The following ACBD6 variants were observed in gnomAD, a reference collection of about 807,000 sequenced individuals.
ACBD6 encodes acyl-CoA-binding domain-containing protein 6.
A neutral mutation model predicts 37.2 loss-of-function variants in ACBD6; 28 were observed. That is an observed-to-expected ratio of 0.75 (90% CI 0.56 to 1.03). The LOEUF is 1.03. Among genes scored for constraint, ACBD6 ranks in the 50% least tolerant of loss-of-function variants. The probability of loss-of-function intolerance (pLI) is 0.00; values close to 1 mark genes in which losing one functional copy is unlikely to be tolerated. For synonymous variants in ACBD6, 113 were observed against 126.8 expected (o/e 0.89, Z 0.73); for missense variants, 340 against 337.4 (o/e 1.01, Z -0.06).
chr1:180,347,360 GTTTTTT>G (rs775301259), intron 6 of ACBD6, among the ~76,000 whole-genome samples: 14 of 49,090 alleles, frequency 2.9e-4, no homozygotes, highest in African/African-American at 6.4e-4. Context: ...TCAACAGAAA[GTTTTTT>G]TTTTTTTTTT....
At chr1:180,380,744 A>T (rs1385084806) in intron 6 of ACBD6, among the ~76,000 whole-genome samples, 1 of 152,166 alleles carries the variant, frequency 6.6e-6, no homozygotes, top group Non-Finnish European at 1.5e-5. Flanking sequence ...AAAAACCTCA[A>T]ATGTTACCAC....
chr1:180,462,698 C>T (rs1011965081), intron 3 of ACBD6, among the ~76,000 whole-genome samples: 1 of 152,142 alleles, frequency 6.6e-6, no homozygotes, highest in African/African-American at 2.4e-5. Context: ...CAAAGAAATT[C>T]AGGACCTGAA....
intron 3 of ACBD6, among the ~76,000 whole-genome samples, chr1:180,433,154 T>A (rs889333793): frequency 6.6e-6 from 1 of 152,158 alleles, no homozygotes; most frequent in African/African-American, 2.4e-5. Flanking sequence ...TAAATATTAA[T>A]AAACTGAATT....
chr1:180,335,951 A>G (rs1197364738), intron 6 of ACBD6, among the ~76,000 whole-genome samples: 2 of 151,498 alleles, frequency 1.3e-5, no homozygotes, highest in East Asian at 3.9e-4. Flanking sequence ...CAATTCAACA[A>G]GAAGAGCTAA....
At chr1:180,329,556 T>C (rs747114978) in intron 6 of ACBD6, among the ~76,000 whole-genome samples, 7 of 152,224 alleles carry the variant, frequency 4.6e-5, no homozygotes, top group Non-Finnish European at 7.3e-5. Flanking sequence ...ATTATAGATC[T>C]GTGTATTTTA....
At chr1:180,303,800 C>T (rs1339892835) in intron 7 of ACBD6, among the ~76,000 whole-genome samples, 4 of 150,348 alleles carry the variant, frequency 2.7e-5, no homozygotes, top group Non-Finnish European at 4.5e-5. Context: ...AGAGACACAA[C>T]AAAAAAAGAG....
intron 2 of ACBD6, 42 bp from the exon 3 acceptor site, chr1:180,492,407 T>C (rs368124772): frequency 7.0e-7 from 1 of 1,435,792 alleles, no homozygotes; most frequent in African/African-American, 1.4e-5. Context: ...ATTATGCAAA[T>C]AACACAAACA....
chr1:180,385,995 C>T (rs928926140), intron 6 of ACBD6, among the ~76,000 whole-genome samples: 1 of 152,076 alleles, frequency 6.6e-6, no homozygotes, highest in Non-Finnish European at 1.5e-5. Context: ...CATGGTGAAA[C>T]CCTGTCTCTA....
intron 7 of ACBD6, among the ~76,000 whole-genome samples, chr1:180,293,384 T>C (rs920593233): frequency 6.6e-6 from 1 of 150,994 alleles, no homozygotes; most frequent in African/African-American, 2.4e-5. Flanking sequence ...CTTGGCTCAC[T>C]GCAACCTCTA....
chr1:180,482,790 G>A (rs375102374), intron 3 of ACBD6, among the ~76,000 whole-genome samples: 12 of 152,250 alleles, frequency 7.9e-5, no homozygotes, highest in African/African-American at 2.9e-4. Context: ...TCAGTGTTAC[G>A]GAGGTAGCTC....
intron 6 of ACBD6, among the ~76,000 whole-genome samples, chr1:180,363,611 G>C (rs1468123065): frequency 1.3e-5 from 2 of 152,152 alleles, no homozygotes; most frequent in African/African-American, 2.4e-5. Context: ...AGGACTGAAA[G>C]GAATGAAGTG....
At chr1:180,372,397 C>G (rs1359583984) in intron 6 of ACBD6, among the ~76,000 whole-genome samples, 2 of 152,096 alleles carry the variant, frequency 1.3e-5, no homozygotes, top group East Asian at 3.8e-4. Flanking sequence ...AAAACAAAAA[C>G]ATATTCCTAT....
chr1:180,292,411 A>C (rs1649745171), intron 7 of ACBD6, among the ~76,000 whole-genome samples: 1 of 152,206 alleles, frequency 6.6e-6, no homozygotes, highest in Non-Finnish European at 1.5e-5. Context: ...TAAGAATTTC[A>C]TGTTTTTGAG....
At chr1:180,359,363 C>A (rs1294640229) in intron 6 of ACBD6, among the ~76,000 whole-genome samples, 1 of 151,046 alleles carries the variant, frequency 6.6e-6, no homozygotes, top group Non-Finnish European at 1.5e-5. Context: ...TTTTTTTGGC[C>A]CCCCTCTATC....
chr1:180,497,221 C>T (rs182639388), intron 1 of ACBD6, among the ~76,000 whole-genome samples: 2 of 152,284 alleles, frequency 1.3e-5, no homozygotes, highest in East Asian at 3.9e-4. Context: ...GCCAATAGTT[C>T]TCCATTTCTC....
chr1:180,468,944 G>A (rs1045119539), intron 3 of ACBD6, among the ~76,000 whole-genome samples: 4 of 152,136 alleles, frequency 2.6e-5, no homozygotes, highest in Admixed American at 2.6e-4. Flanking sequence ...CTTGTGGCTA[G>A]AATGCTTCAG....
intron 5 of ACBD6, among the ~76,000 whole-genome samples, chr1:180,398,384 T>C (rs767120332): frequency 2.0e-5 from 3 of 152,176 alleles, no homozygotes; most frequent in African/African-American, 7.2e-5. Flanking sequence ...TCTAAATGTA[T>C]GATAACTAAA....
chr1:180,431,523 C>T (rs897104381), intron 3 of ACBD6, among the ~76,000 whole-genome samples: 3 of 151,552 alleles, frequency 2.0e-5, no homozygotes, highest in Admixed American at 6.6e-5. Context: ...TTTCTTTATA[C>T]CAAAAAAAAG....
chr1:180,469,608 T>C (rs192264031), intron 3 of ACBD6, among the ~76,000 whole-genome samples: 2 of 152,198 alleles, frequency 1.3e-5, no homozygotes, highest in Admixed American at 1.3e-4. Flanking sequence ...ATTAAAGGAA[T>C]ATGAGTTAGA....
Sources: gnomAD v4.1 joint callset for allele counts (sites outside exome capture counted in the v4.1 genomes callset) on GRCh38, gnomAD v4.1.1 for gene constraint, MANE v1.5 for transcripts, NCBI Gene and HGNC (gene_info 2026-07-23, HGNC 2026-07-21) for gene names.